The following PECAM1 variants were observed in gnomAD, a reference collection of about 807,000 sequenced individuals.
PECAM1 encodes the protein platelet and endothelial cell adhesion molecule 1.
PECAM1 carries 8 observed loss-of-function variants against 13.8 expected under a neutral mutation model. That is an observed-to-expected ratio of 0.58 (90% CI 0.34 to 1.05). The LOEUF is 1.05. PECAM1 is among the 50% of genes least tolerant of loss of function. The pLI is 0.03. For missense variants in PECAM1, 304 were observed against 141.2 expected, an observed-to-expected ratio of 2.15 and a Z score of -5.84; for synonymous variants, 136 against 52.6, an observed-to-expected ratio of 2.58 and a Z score of -6.86.
intron 5 of PECAM1, among the ~76,000 whole-genome samples, chr17:64,367,013 A>AG (rs2036124735): frequency 6.6e-6 from 1 of 151,024 alleles, no homozygotes; most frequent in Admixed American, 6.6e-5. Flanking sequence ...TTTCAAAAAA[A>AG]AAAAAAAAGC....
intron 4 of PECAM1, among the ~76,000 whole-genome samples, chr17:64,370,712 T>A (rs2036220011): frequency 6.6e-6 from 1 of 152,130 alleles, no homozygotes; most frequent in Non-Finnish European, 1.5e-5. Flanking sequence ...TAATCAAGTA[T>A]AGATCACATA....
At chr17:64,334,779 TTACAGGC>T (rs2035227620) in intron 14 of PECAM1, among the ~76,000 whole-genome samples, 1 of 152,022 alleles carries the variant, frequency 6.6e-6, no homozygotes, top group African/African-American at 2.4e-5. Context: ...ATTGCTGGGA[TTACAGGC>T]GTGAGCCACT....
chr17:64,381,094 C>T (rs1430476274), intron 2 of PECAM1, among the ~76,000 whole-genome samples: 9 of 152,166 alleles, frequency 5.9e-5, no homozygotes, highest in African/African-American at 2.2e-4. Context: ...GGGAGAAGCA[C>T]AGATGCAAGC....
At chr17:64,385,091 A>C (rs1568041723) in intron 2 of PECAM1, among the ~76,000 whole-genome samples, 2 of 152,162 alleles carry the variant, frequency 1.3e-5, no homozygotes, top group Non-Finnish European at 2.9e-5. Context: ...CTTTTTCTGG[A>C]GAGAAGGCCC....
chr17:64,326,062 C>A (rs1475649679), intron 15 of PECAM1, among the ~76,000 whole-genome samples: 2 of 152,176 alleles, frequency 1.3e-5, no homozygotes, highest in Non-Finnish European at 2.9e-5. Flanking sequence ...TTCACAGAAG[C>A]AACTCTGGAG....
chr17:64,346,545 AG>A (rs2035574841), intron 13 of PECAM1, among the ~76,000 whole-genome samples: 1 of 152,156 alleles, frequency 6.6e-6, no homozygotes, highest in South Asian at 2.1e-4. Flanking sequence ...CATGTTGGCC[AG>A]GCTGGTCTCG....
rs368760272 is a variant in PECAM1 at position 64,323,469 on chromosome 17, C to T, written c.*347G>A. On this transcript the variant is annotated 3_prime_UTR_variant, in exon 16 of 16. Coordinates refer to ENST00000563924, the MANE Select transcript of PECAM1 (RefSeq NM_000442.5). ...AAATTGGTTTCTGTGTATGAGGGTGCATGGAAAAGGTCTTTATCTCTGCAC... is the reference window on the plus strand; with the variant it reads ...AAATTGGTTTCTGTGTATGAGGGTGTATGGAAAAGGTCTTTATCTCTGCAC... 5.7e-6 allele frequency: 7 copies of T among 1,227,924 alleles called. No homozygotes were observed. The highest frequency in any genetic ancestry group is 9.1e-5 in the East Asian group (2 of 22,008). 76.1% of individuals were successfully genotyped at this position (1,227,924 alleles called of 1,614,324 possible).
At chr17:64,356,693 T>A (rs949757774) in intron 7 of PECAM1, among the ~76,000 whole-genome samples, 1 of 152,128 alleles carries the variant, frequency 6.6e-6, no homozygotes, top group Admixed American at 6.5e-5. Context: ...GGTTTTGCCC[T>A]GTTGGCCAGG....
intron 14 of PECAM1, among the ~76,000 whole-genome samples, chr17:64,338,029 A>T (rs1276625641): frequency 6.6e-6 from 1 of 151,060 alleles, no homozygotes; most frequent in African/African-American, 2.4e-5. Flanking sequence ...CTAAGAGAGT[A>T]AAGGAAGAAA....
At chr17:64,357,413 C>T (rs974263644) in intron 7 of PECAM1, among the ~76,000 whole-genome samples, 3 of 152,164 alleles carry the variant, frequency 2.0e-5, no homozygotes, top group Non-Finnish European at 2.9e-5. Flanking sequence ...CAGGTCCAAG[C>T]AGAACTTGGC....
At chr17:64,346,633 G>T (rs2035576944) in intron 13 of PECAM1, among the ~76,000 whole-genome samples, 2 of 152,154 alleles carry the variant, frequency 1.3e-5, no homozygotes, top group African/African-American at 4.8e-5. Flanking sequence ...ACCGTGCCTG[G>T]CCAGGAGATG....
At chr17:64,381,639 C>T (rs947315507) in intron 2 of PECAM1, among the ~76,000 whole-genome samples, 9 of 152,226 alleles carry the variant, frequency 5.9e-5, no homozygotes, top group East Asian at 3.9e-4. Flanking sequence ...ACAACAACAA[C>T]GACAACAAAA....
At chr17:64,375,407 C>G in intron 3 of PECAM1, 51 bp from the exon 4 acceptor site, 1 of 417,850 alleles carries the variant, frequency 2.4e-6, no homozygotes, top group Non-Finnish European at 4.3e-6. Context: ...AAGAGAAAGT[C>G]TGTCAGTATC....
At chr17:64,386,403 C>CAAA (rs59994359) in intron 2 of PECAM1, among the ~76,000 whole-genome samples, 5 of 113,136 alleles carry the variant, frequency 4.4e-5, no homozygotes, top group African/African-American at 6.5e-5. Flanking sequence ...GAGACTCTGT[C>CAAA]AAAAAAAAAA....
intron 5 of PECAM1, among the ~76,000 whole-genome samples, chr17:64,364,389 A>G (rs1490725054): frequency 1.3e-5 from 2 of 152,094 alleles, no homozygotes; most frequent in African/African-American, 4.8e-5. Flanking sequence ...GAATTCTACC[A>G]GAGGTACAAG....
chr17:64,342,636 G>A, intron 13 of PECAM1, among the ~76,000 whole-genome samples: 1 of 151,926 alleles, frequency 6.6e-6, no homozygotes, highest in Non-Finnish European at 1.5e-5. Flanking sequence ...TCTCCTCAGG[G>A]GCCCTAATAT....
intron 14 of PECAM1, among the ~76,000 whole-genome samples, chr17:64,341,343 C>A (rs2035425361): frequency 6.6e-6 from 1 of 152,168 alleles, no homozygotes; most frequent in African/African-American, 2.4e-5. Flanking sequence ...CACTCGACGT[C>A]CAAGACCTTG....
At chr17:64,329,621 A>G (rs1316679663) in intron 15 of PECAM1, 79 bp downstream of exon 15, 9 of 715,450 alleles carry the variant, frequency 1.3e-5, no homozygotes, top group African/African-American at 7.0e-5. Flanking sequence ...ATGTGAATGC[A>G]GGACGTGGGT....
rs112361239 is a variant in PECAM1, at chr17:64,322,449, G to C, written c.*1367C>G. On this transcript the variant is annotated 3_prime_UTR_variant, in exon 16 of 16. Transcript: ENST00000563924. ...CTCTGTGACTTCAGAGGCCCAAGGA[G>C]TCCTCAGCACTATAGATGCATGTGG... 25 of 985,922 alleles carry C rather than the reference G, an allele frequency of 2.5e-5. 1 individual carries two copies. In the African/African-American group the frequency reaches 2.6e-4, roughly 10 times the overall value. The allele number at this position is 985,922 out of a possible 1,614,324, so 61.1% of individuals were successfully genotyped here. A position where few individuals can be genotyped will look rare whatever the true frequency, so the allele number is the denominator to read the frequency against.
Sources: gnomAD v4.1 joint callset for allele counts (sites outside exome capture counted in the v4.1 genomes callset) on GRCh38, gnomAD v4.1.1 for gene constraint, MANE v1.5 for transcripts, NCBI Gene and HGNC (gene_info 2026-07-23, HGNC 2026-07-21) for gene names.